The following DOCK2 variants were observed in gnomAD, a reference collection of about 807,000 sequenced individuals.
The protein encoded by DOCK2 is dedicator of cytokinesis protein 2.
A neutral mutation model predicts 248.9 loss-of-function variants in DOCK2; 87 were observed. The observed-to-expected ratio is 0.35, with a 90% confidence interval of 0.29 to 0.42. The LOEUF is 0.42. Ranked by LOEUF, DOCK2 falls within the 10% of genes least tolerant of loss-of-function variation. The pLI is 1.00. For missense variants in DOCK2, 1,747 were observed against 2,300.2 expected, an observed-to-expected ratio of 0.76 and a Z score of 4.92; for synonymous variants, 805 against 821.6, an observed-to-expected ratio of 0.98 and a Z score of 0.35.
intron 27 of DOCK2, among the ~76,000 whole-genome samples, chr5:169,873,988 G>A (rs1042648036): frequency 7.2e-5 from 11 of 152,224 alleles, no homozygotes; most frequent in African/African-American, 1.2e-4. Context: ...TGAGGGGGAC[G>A]TGCTAGGAAC....
chr5:169,971,784 G>A (rs1452133262), intron 27 of DOCK2, among the ~76,000 whole-genome samples: 1 of 152,200 alleles, frequency 6.6e-6, no homozygotes, highest in East Asian at 1.9e-4. Flanking sequence ...GAGGATCAAA[G>A]CCCTTAGCTA....
chr5:169,804,431 C>T (rs993837028), intron 26 of DOCK2, among the ~76,000 whole-genome samples: 15 of 143,286 alleles, frequency 1.0e-4, no homozygotes, highest in Non-Finnish European at 2.1e-4. Flanking sequence ...GGTACAAGAG[C>T]TACAAAGTGT....
chr5:169,862,417 G>T (rs1476614998), intron 27 of DOCK2, among the ~76,000 whole-genome samples: 2 of 152,064 alleles, frequency 1.3e-5, no homozygotes, highest in African/African-American at 2.4e-5. Context: ...TACATAAGAG[G>T]TCCCAAATGA....
chr5:169,896,687 C>T (rs1773629034), intron 27 of DOCK2, among the ~76,000 whole-genome samples: 1 of 152,104 alleles, frequency 6.6e-6, no homozygotes, highest in South Asian at 2.1e-4. Flanking sequence ...AGTGTGAGAA[C>T]CAGCAAAGAT....
At chr5:169,643,519 G>A (rs907903715) in intron 1 of DOCK2, among the ~76,000 whole-genome samples, 2 of 152,216 alleles carry the variant, frequency 1.3e-5, no homozygotes, top group Admixed American at 6.5e-5. Context: ...TCCCTCGCGT[G>A]TGCAGGTCAC....
chr5:169,783,772 G>A lies in DOCK2; in HGVS notation c.2555-19286G>A, dbSNP rs1765836971. The stretch of plus-strand genomic sequence containing the variant: ...AATAATTTTTATAAAAACTTACAAA[G>A]TAGGTTGTTATCACTATTTTACAGA... On this transcript the variant is annotated intron_variant, in intron 25 of 51. Coordinates refer to ENST00000520908, the MANE Select transcript of DOCK2 (RefSeq NM_004946.3). 5.3e-5 allele frequency among the ~76,000 whole-genome samples: 8 copies of A among 152,294 alleles called. No homozygotes were observed. The South Asian group carries it at 1.7e-3, about 32-fold the overall frequency.
chr5:169,702,692 T>C, intron 14 of DOCK2: 1 of 239,064 alleles, frequency 4.2e-6, no homozygotes, highest in South Asian at 7.2e-5. Context: ...TATGTATGTA[T>C]GTATGTATTT....
At chr5:169,677,964 TC>T (rs2113333443) in intron 6 of DOCK2, among the ~76,000 whole-genome samples, 1 of 152,280 alleles carries the variant, frequency 6.6e-6, no homozygotes, top group South Asian at 2.1e-4. Flanking sequence ...TGAGTTATGG[TC>T]CACCTGGAGC....
rs373919192 is a variant in DOCK2 at position 169,930,444 on chromosome 5, C to G, written c.2800-52624C>G. ...GGGTAATGTGTGTCCTCTGGGATGACATTTCTTGGACAATTTCCCTTCTCC... is the reference window on the plus strand; with the variant it reads ...GGGTAATGTGTGTCCTCTGGGATGAGATTTCTTGGACAATTTCCCTTCTCC... On this transcript the variant is annotated intron_variant, in intron 27 of 51. Coordinates refer to ENST00000520908, the MANE Select transcript of DOCK2 (RefSeq NM_004946.3). Among the ~76,000 whole-genome samples the G allele has an allele frequency of 5.4e-4, 83 of 152,298 alleles. No individual in the cohort carries two copies. The South Asian group carries it at 0.013, about 25-fold the overall frequency.
intron 26 of DOCK2, among the ~76,000 whole-genome samples, chr5:169,812,654 C>T (rs1767827638): frequency 6.6e-6 from 1 of 152,222 alleles, no homozygotes; most frequent in Non-Finnish European, 1.5e-5. Context: ...ACAAGAACAC[C>T]TGTGAAAACA....
chr5:169,730,890 C>CTTT (rs60375086), intron 22 of DOCK2, among the ~76,000 whole-genome samples: 53 of 145,608 alleles, frequency 3.6e-4, no homozygotes, highest in African/African-American at 1.3e-3. Flanking sequence ...CTCTCTCTCT[C>CTTT]TTTTTTTTAG....
intron 23 of DOCK2, among the ~76,000 whole-genome samples, chr5:169,753,962 A>G (rs1764051622): frequency 6.6e-6 from 1 of 152,178 alleles, no homozygotes; most frequent in Non-Finnish European, 1.5e-5. Flanking sequence ...ATTGAGGGGA[A>G]TAGTACTTGT....
intron 39 of DOCK2, among the ~76,000 whole-genome samples, chr5:170,047,095 A>G (rs1042224193): frequency 6.6e-5 from 10 of 152,170 alleles, no homozygotes; most frequent in Admixed American, 6.5e-4. Context: ...CATCTGTATC[A>G]GGGGGCATTT....
intron 11 of DOCK2, among the ~76,000 whole-genome samples, chr5:169,698,938 G>GTCCTC: frequency 6.6e-6 from 1 of 152,170 alleles, no homozygotes; most frequent in Admixed American, 6.5e-5. Context: ...GGAGGTCAAT[G>GTCCTC]TCCTCTCCTC....
At chr5:169,644,371 A>G (rs1757330620) in intron 1 of DOCK2, among the ~76,000 whole-genome samples, 1 of 152,166 alleles carries the variant, frequency 6.6e-6, no homozygotes, top group Admixed American at 6.5e-5. Flanking sequence ...AGGAGGGAGC[A>G]GTGGAGACAG....
chr5:169,849,646 C>T (rs1770517966), intron 27 of DOCK2, among the ~76,000 whole-genome samples: 2 of 152,212 alleles, frequency 1.3e-5, no homozygotes, highest in African/African-American at 4.8e-5. Flanking sequence ...AAACTCTAAA[C>T]TTAGAAAGAG....
intron 34 of DOCK2, among the ~76,000 whole-genome samples, chr5:170,032,295 G>T (rs1358764960): frequency 6.6e-6 from 1 of 152,042 alleles, no homozygotes; most frequent in African/African-American, 2.4e-5. Flanking sequence ...CAAAGTGCTG[G>T]GATTACAGGT....
intron 25 of DOCK2, among the ~76,000 whole-genome samples, chr5:169,781,998 A>G (rs1765740797): frequency 6.6e-6 from 1 of 152,132 alleles, no homozygotes; most frequent in African/African-American, 2.4e-5. Flanking sequence ...CTCTGGGTGC[A>G]GTGGCAGGTT....
chr5:169,969,286 A>C (rs1036941946), intron 27 of DOCK2, among the ~76,000 whole-genome samples: 1 of 151,942 alleles, frequency 6.6e-6, no homozygotes, highest in Non-Finnish European at 1.5e-5. Flanking sequence ...CTCTACTAAA[A>C]ATACAAAAAT....
Sources: gnomAD v4.1 joint callset for allele counts (sites outside exome capture counted in the v4.1 genomes callset) on GRCh38, gnomAD v4.1.1 for gene constraint, MANE v1.5 for transcripts, NCBI Gene and HGNC (gene_info 2026-07-23, HGNC 2026-07-21) for gene names.